The following CDH12 variants were observed in gnomAD, a reference collection of about 807,000 sequenced individuals.
CDH12 encodes cadherin-12.
Under a neutral mutation model 74.1 loss-of-function variants are expected in CDH12, and 41 were observed. That is an observed-to-expected ratio of 0.55 (90% CI 0.43 to 0.72). The LOEUF is 0.72. Among genes scored for constraint, CDH12 ranks in the 30% least tolerant of loss-of-function variants. The pLI, the probability that CDH12 is intolerant of heterozygous loss-of-function variation, is 0.00. For synonymous variants in CDH12, 399 were observed against 355.0 expected (o/e 1.12, Z -1.39); for missense variants, 945 against 977.2 (o/e 0.97, Z 0.44).
At chr5:21,942,347 T>TATATATAC (rs1225173229) in intron 6 of CDH12, among the ~76,000 whole-genome samples, 5 of 129,668 alleles carry the variant, frequency 3.9e-5, no homozygotes, top group African/African-American at 6.4e-5. Context: ...TATATATATA[T>TATATATAC]ACACACACAC....
chr5:22,082,719 C>T (rs1462100195), intron 4 of CDH12, among the ~76,000 whole-genome samples: 3 of 152,124 alleles, frequency 2.0e-5, no homozygotes, highest in Admixed American at 6.6e-5. Context: ...CATCAGGAAA[C>T]AACAGCAGCT....
At chr5:21,879,019 C>T (rs1752101904) in intron 6 of CDH12, among the ~76,000 whole-genome samples, 1 of 152,010 alleles carries the variant, frequency 6.6e-6, no homozygotes, top group Non-Finnish European at 1.5e-5. Context: ...AAAAGACTAA[C>T]TGTATTGAGA....
intron 2 of CDH12, among the ~76,000 whole-genome samples, chr5:22,466,103 T>C (rs1387271529): frequency 6.6e-6 from 1 of 152,164 alleles, no homozygotes; most frequent in Non-Finnish European, 1.5e-5. Context: ...CATCTTACTT[T>C]TTCTCTAACC....
intron 3 of CDH12, among the ~76,000 whole-genome samples, chr5:22,228,985 T>C (rs933778462): frequency 3.9e-5 from 6 of 152,084 alleles, no homozygotes; most frequent in Non-Finnish European, 7.4e-5. Flanking sequence ...TAATTACAGG[T>C]ACTATAATTG....
At chr5:22,381,212 T>C (rs777834803) in intron 3 of CDH12, among the ~76,000 whole-genome samples, 24 of 152,156 alleles carry the variant, frequency 1.6e-4, no homozygotes, top group Non-Finnish European at 2.8e-4. Flanking sequence ...AGTGTACTTA[T>C]TGACTCTCCT....
intron 2 of CDH12, among the ~76,000 whole-genome samples, chr5:22,454,020 G>A (rs1290202353): frequency 6.6e-6 from 1 of 151,932 alleles, no homozygotes; most frequent in Non-Finnish European, 1.5e-5. Flanking sequence ...GTAAAAAATG[G>A]AGCAATACCA....
intron 4 of CDH12, among the ~76,000 whole-genome samples, chr5:22,102,036 T>C (rs6875533): frequency 0.44 from 67,607 of 151,964 alleles, 15,425 homozygotes; most frequent in Middle Eastern, 0.53. Context: ...ATTGCTGACC[T>C]CTAAAATCTG....
chr5:22,637,301 T>G (rs1315949689), intron 1 of CDH12, among the ~76,000 whole-genome samples: 1 of 152,276 alleles, frequency 6.6e-6, no homozygotes, highest in African/African-American at 2.4e-5. Flanking sequence ...TTCTGTAAAG[T>G]TATACCCTAT....
At chr5:22,708,750 G>A (rs575165151) in intron 1 of CDH12, among the ~76,000 whole-genome samples, 2 of 152,060 alleles carry the variant, frequency 1.3e-5, no homozygotes, top group South Asian at 4.1e-4. Flanking sequence ...CAGATATTGA[G>A]GGTGAAATAA....
intron 4 of CDH12, among the ~76,000 whole-genome samples, chr5:22,198,029 ATAT>A (rs1750720988): frequency 6.6e-6 from 1 of 151,514 alleles, no homozygotes; most frequent in African/African-American, 2.4e-5. Flanking sequence ...ATTCACAACA[ATAT>A]TATTCTTAAT....
chr5:22,416,368 C>T (rs1743392868), intron 2 of CDH12, among the ~76,000 whole-genome samples: 1 of 152,058 alleles, frequency 6.6e-6, no homozygotes, highest in Non-Finnish European at 1.5e-5. Flanking sequence ...AGCCACCGCG[C>T]CCGGCCTGTA....
intron 6 of CDH12, among the ~76,000 whole-genome samples, chr5:21,871,986 A>C (rs1352089561): frequency 6.6e-6 from 1 of 152,200 alleles, no homozygotes; most frequent in Non-Finnish European, 1.5e-5. Context: ...TTAGAGACCC[A>C]AGGGAAAAGA....
At chr5:21,989,860 ACTAATT>A (rs1266348069) in intron 5 of CDH12, among the ~76,000 whole-genome samples, 1 of 152,196 alleles carries the variant, frequency 6.6e-6, no homozygotes, top group African/African-American at 2.4e-5. Context: ...TTTAGATACT[ACTAATT>A]CTATCAGTGG....
intron 3 of CDH12, among the ~76,000 whole-genome samples, chr5:22,369,995 T>C (rs1025349193): frequency 6.6e-6 from 1 of 152,070 alleles, no homozygotes; most frequent in African/African-American, 2.4e-5. Flanking sequence ...ATATACATGT[T>C]TTATGTACTT....
chr5:22,185,539 C>A (rs1749895224), intron 4 of CDH12, among the ~76,000 whole-genome samples: 1 of 152,170 alleles, frequency 6.6e-6, no homozygotes. Context: ...ACCATAGAAT[C>A]AAAGACTTTT....
intron 6 of CDH12, among the ~76,000 whole-genome samples, chr5:21,893,596 T>G (rs1752988898): frequency 6.6e-6 from 1 of 152,164 alleles, no homozygotes; most frequent in Non-Finnish European, 1.5e-5. Context: ...TTTTTGAAAA[T>G]AAGAACTTCA....
intron 6 of CDH12, among the ~76,000 whole-genome samples, chr5:21,928,908 A>C (rs1371962235): frequency 1.3e-5 from 2 of 152,168 alleles, no homozygotes; most frequent in Non-Finnish European, 2.9e-5. Flanking sequence ...TCCTTGAAAG[A>C]AGAGCACATA....
At chr5:22,579,197 T>A (rs1166679643) in intron 1 of CDH12, among the ~76,000 whole-genome samples, 3 of 152,102 alleles carry the variant, frequency 2.0e-5, no homozygotes, top group Non-Finnish European at 4.4e-5. Flanking sequence ...AAAGACGGAG[T>A]TTATGAATAT....
intron 1 of CDH12, among the ~76,000 whole-genome samples, chr5:22,798,029 C>A (rs1748317683): frequency 2.0e-5 from 3 of 152,274 alleles, no homozygotes; most frequent in African/African-American, 7.2e-5. Flanking sequence ...CTTAGGCAAA[C>A]TTATGACAAA....
Sources: allele counts gnomAD v4.1 joint callset (sites outside exome capture counted in the v4.1 genomes callset), GRCh38; gene constraint gnomAD v4.1.1; transcripts MANE v1.5; gene names NCBI Gene and HGNC (gene_info 2026-07-23, HGNC 2026-07-21).